The following ASIC2 variants were observed in gnomAD, a reference collection of about 807,000 sequenced individuals.
The protein encoded by ASIC2 is acid sensing ion channel subunit 2, also known as acid-sensing ion channel 2.
Under a neutral mutation model 57.3 loss-of-function variants are expected in ASIC2, and 25 were observed. That is an observed-to-expected ratio of 0.44 (90% CI 0.32 to 0.61). The LOEUF is 0.61. Ranked by LOEUF, ASIC2 falls within the 20% of genes least tolerant of loss-of-function variation. The pLI, the probability that ASIC2 is intolerant of heterozygous loss-of-function variation, is 0.06. For missense variants in ASIC2, 641 were observed against 738.1 expected, an observed-to-expected ratio of 0.87 and a Z score of 1.52; for synonymous variants, 319 against 307.5, an observed-to-expected ratio of 1.04 and a Z score of -0.39.
chr17:33,827,480 C>T (rs1362859306), intron 1 of ASIC2, among the ~76,000 whole-genome samples: 12 of 149,080 alleles, frequency 8.0e-5, no homozygotes, highest in Middle Eastern at 3.4e-3. Context: ...TACAGGCGCC[C>T]GCCACCATGC....
At chr17:33,756,427 T>C (rs1443048052) in intron 1 of ASIC2, among the ~76,000 whole-genome samples, 1 of 152,222 alleles carries the variant, frequency 6.6e-6, no homozygotes, top group Non-Finnish European at 1.5e-5. Context: ...TAAGTTCCCA[T>C]ATACACACTA....
At chr17:33,386,160 CT>C in intron 1 of ASIC2, among the ~76,000 whole-genome samples, 1 of 152,270 alleles carries the variant, frequency 6.6e-6, no homozygotes, top group South Asian at 2.1e-4. Flanking sequence ...TCTATTTTCT[CT>C]CTATGTGCTC....
intron 1 of ASIC2, among the ~76,000 whole-genome samples, chr17:33,494,843 A>G (rs1913877592): frequency 6.6e-6 from 1 of 152,156 alleles, no homozygotes; most frequent in Non-Finnish European, 1.5e-5. Context: ...TGGAGATAGA[A>G]AGTGATGACG....
chr17:33,813,880 C>T (rs1187221407), intron 1 of ASIC2, among the ~76,000 whole-genome samples: 5 of 152,138 alleles, frequency 3.3e-5, no homozygotes, highest in East Asian at 1.9e-4. Flanking sequence ...CACACGTTTC[C>T]GCAAATCTGT....
chr17:33,370,577 C>T (rs1909019648), intron 1 of ASIC2, among the ~76,000 whole-genome samples: 1 of 152,164 alleles, frequency 6.6e-6, no homozygotes, highest in African/African-American at 2.4e-5. Context: ...TCTCTGGAAG[C>T]AGGGTGGAGG....
rs569216830 is a variant in ASIC2 at position 33,147,353 on chromosome 17, C to A, written c.709-35286G>T. ...ATCCAAATATCCTGATAGCCAATGT[C>A]CAAAAAAGAGAAACAATTTTCATTG... On this transcript the variant is annotated intron_variant, in intron 1 of 9. Transcript: ENST00000225823. 8.5e-5 allele frequency among the ~76,000 whole-genome samples: 13 copies of A among 152,158 alleles called. No individual in the cohort carries two copies. The South Asian group carries it at 1.9e-3, about 22-fold the overall frequency.
intron 3 of ASIC2, among the ~76,000 whole-genome samples, chr17:33,049,493 T>C (rs144989537): frequency 6.6e-6 from 1 of 152,348 alleles, no homozygotes; most frequent in East Asian, 1.9e-4. Context: ...AGTGTTTTTC[T>C]TTCCTACTGT....
intron 1 of ASIC2, among the ~76,000 whole-genome samples, chr17:33,352,459 G>A (rs532131320): frequency 7.9e-5 from 12 of 152,204 alleles, no homozygotes; most frequent in Admixed American, 7.2e-4. Flanking sequence ...ATGAGGCCTG[G>A]GCTGACTAAC....
chr17:34,020,805 T>C (rs1007569035), intron 1 of ASIC2, among the ~76,000 whole-genome samples: 1 of 152,184 alleles, frequency 6.6e-6, no homozygotes, highest in African/African-American at 2.4e-5. Flanking sequence ...TTCAGCATCC[T>C]GAAACCCTTA....
intron 1 of ASIC2, among the ~76,000 whole-genome samples, chr17:33,136,013 C>T (rs1438353211): frequency 6.6e-6 from 1 of 152,164 alleles, no homozygotes; most frequent in East Asian, 1.9e-4. Flanking sequence ...CTGCTGGGGG[C>T]TCTCTGGATC....
intron 1 of ASIC2, among the ~76,000 whole-genome samples, chr17:33,836,265 C>T (rs894294236): frequency 2.0e-5 from 3 of 151,650 alleles, no homozygotes; most frequent in Non-Finnish European, 2.9e-5. Flanking sequence ...GCATGTGCCA[C>T]CACACTTAGC....
intron 1 of ASIC2, among the ~76,000 whole-genome samples, chr17:33,938,812 G>C (rs1018683149): frequency 3.9e-5 from 6 of 152,234 alleles, no homozygotes; most frequent in African/African-American, 1.4e-4. Context: ...CTGCATGGCT[G>C]TCTCCCTGCC....
chr17:33,182,348 G>T (rs1567776053), intron 1 of ASIC2, among the ~76,000 whole-genome samples: 1 of 152,084 alleles, frequency 6.6e-6, no homozygotes, highest in Non-Finnish European at 1.5e-5. Flanking sequence ...ACCTCCCAGG[G>T]TTCTTATAAA....
intron 1 of ASIC2, among the ~76,000 whole-genome samples, chr17:33,318,504 A>G (rs1426549791): frequency 6.6e-6 from 1 of 152,210 alleles, no homozygotes; most frequent in Admixed American, 6.5e-5. Context: ...CGTTTGGGTG[A>G]CACACCACAA....
At chr17:33,042,516 T>C (rs9894137) in intron 3 of ASIC2, among the ~76,000 whole-genome samples, 29,148 of 152,270 alleles carry the variant, frequency 0.19, 2,879 homozygotes, top group Non-Finnish European at 0.21. Context: ...ACCTTTACTA[T>C]GTGCCAGGCA....
chr17:33,665,314 T>C (rs778568015), intron 1 of ASIC2, among the ~76,000 whole-genome samples: 1 of 152,204 alleles, frequency 6.6e-6, no homozygotes, highest in African/African-American at 2.4e-5. Context: ...AAGTATGTAC[T>C]GATGGGGGTG....
At chr17:33,343,690 C>A (rs1380082349) in intron 1 of ASIC2, among the ~76,000 whole-genome samples, 4 of 152,186 alleles carry the variant, frequency 2.6e-5, no homozygotes, top group Non-Finnish European at 5.9e-5. Context: ...TTTCTTCCCT[C>A]TGCATTTTCC....
intron 1 of ASIC2, among the ~76,000 whole-genome samples, chr17:33,407,665 T>G (rs768756928): frequency 2.0e-5 from 3 of 152,228 alleles, no homozygotes; most frequent in Non-Finnish European, 4.4e-5. Flanking sequence ...AACAGTCTGA[T>G]TAGAGAAATA....
intron 1 of ASIC2, among the ~76,000 whole-genome samples, chr17:33,332,408 G>A (rs1907347822): frequency 6.6e-6 from 1 of 152,044 alleles, no homozygotes; most frequent in African/African-American, 2.4e-5. Flanking sequence ...GAATCACTAG[G>A]ACCCTTTACA....
Sources: gnomAD v4.1 joint callset for allele counts (sites outside exome capture counted in the v4.1 genomes callset) on GRCh38, gnomAD v4.1.1 for gene constraint, MANE v1.5 for transcripts, NCBI Gene and HGNC (gene_info 2026-07-23, HGNC 2026-07-21) for gene names.